Variants in CLVS1 observed in about 807,000 individuals in gnomAD.
The protein encoded by CLVS1 is clavesin 1.
Under a neutral mutation model 33.1 loss-of-function variants are expected in CLVS1, and 10 were observed. The ratio of observed to expected loss-of-function variants is 0.30; its 90% CI spans 0.19 to 0.51. The LOEUF is 0.51. Among genes scored for constraint, CLVS1 ranks in the 20% least tolerant of loss-of-function variants. The pLI is 0.97. For missense variants in CLVS1, 343 were observed against 433.4 expected (o/e 0.79, Z 1.85); for synonymous variants, 163 against 166.1 (o/e 0.98, Z 0.14).
At chr8:61,310,396 G>A (rs954270358) in intron 2 of CLVS1, among the ~76,000 whole-genome samples, 10 of 152,176 alleles carry the variant, frequency 6.6e-5, no homozygotes, top group African/African-American at 2.4e-4. Context: ...CTGGCAAGTG[G>A]CTAAACCTGG....
intron 2 of CLVS1, among the ~76,000 whole-genome samples, chr8:61,201,840 G>A (rs1807739328): frequency 6.6e-6 from 1 of 152,130 alleles, no homozygotes; most frequent in African/African-American, 2.4e-5. Flanking sequence ...TACTCAGCAA[G>A]GCCATTTTTA....
intron 2 of CLVS1, among the ~76,000 whole-genome samples, chr8:61,164,592 GT>G (rs1806818505): frequency 1.3e-5 from 2 of 152,208 alleles, no homozygotes; most frequent in African/African-American, 4.8e-5. Context: ...GGGAGGGCAA[GT>G]CCCCCCCGCC....
intron 2 of CLVS1, chr8:61,202,679 A>C: frequency 6.5e-7 from 1 of 1,541,438 alleles, no homozygotes; most frequent in Non-Finnish European, 8.9e-7. Flanking sequence ...GGGCCAGTGC[A>C]TATTAGTGGA....
intron 3 of CLVS1, among the ~76,000 whole-genome samples, chr8:61,448,679 C>T (rs1280013777): frequency 1.3e-5 from 2 of 150,966 alleles, no homozygotes; most frequent in South Asian, 4.2e-4. Context: ...AGTCTGAGAC[C>T]AGCCTGGGCA....
At chr8:60,998,605 C>T in the CLVS1 span, among the ~76,000 whole-genome samples, 1 of 152,264 alleles carries the variant, frequency 6.6e-6, no homozygotes, top group East Asian at 1.9e-4. Flanking sequence ...TTCCCCCACC[C>T]CCTGCCTCTG....
At chr8:61,023,603 A>G in the CLVS1 span, among the ~76,000 whole-genome samples, 1 of 152,224 alleles carries the variant, frequency 6.6e-6, no homozygotes, top group African/African-American at 2.4e-5. Flanking sequence ...AGTAGGATTT[A>G]TGTTTTTTAT....
At chr8:61,033,049 A>AAAG in the CLVS1 span, among the ~76,000 whole-genome samples, 5 of 89,942 alleles carry the variant, frequency 5.6e-5, 1 homozygote, top group Non-Finnish European at 1.0e-4. Context: ...AAGAAAGAAA[A>AAAG]AGAAAGAAAG....
chr8:61,359,451 G>T (rs1036080168), intron 2 of CLVS1, among the ~76,000 whole-genome samples: 5 of 152,110 alleles, frequency 3.3e-5, no homozygotes, highest in Admixed American at 6.5e-5. Context: ...TGCTTCACAG[G>T]TTCAAGTGAT....
intron 2 of CLVS1, among the ~76,000 whole-genome samples, chr8:61,167,509 C>T (rs1423151732): frequency 6.6e-6 from 1 of 152,014 alleles, no homozygotes; most frequent in Non-Finnish European, 1.5e-5. Context: ...TAATGTGTAC[C>T]CTTCAAGCCT....
intron 1 of CLVS1, among the ~76,000 whole-genome samples, chr8:61,082,350 A>G (rs1252073325): frequency 6.6e-6 from 1 of 152,194 alleles, no homozygotes; most frequent in East Asian, 1.9e-4. Flanking sequence ...GAAAGAAAAG[A>G]AAAAGAAAAA....
At chr8:61,117,848 CT>C (rs1250778719) in intron 1 of CLVS1, among the ~76,000 whole-genome samples, 5 of 149,058 alleles carry the variant, frequency 3.4e-5, no homozygotes, top group Non-Finnish European at 7.5e-5. Flanking sequence ...TTTGTTGTGT[CT>C]CTGCCTGGCT....
At chr8:60,997,014 A>G in the CLVS1 span, among the ~76,000 whole-genome samples, 160 of 147,610 alleles carry the variant, frequency 1.1e-3, no homozygotes, top group African/African-American at 3.8e-3. Flanking sequence ...CAAGAGTATA[A>G]ATAATGAAAT....
chr8:61,185,480 G>T (rs1021387265), intron 2 of CLVS1, among the ~76,000 whole-genome samples: 1 of 151,958 alleles, frequency 6.6e-6, no homozygotes, highest in Non-Finnish European at 1.5e-5. Context: ...TGGCTATACT[G>T]TATCACGTCT....
intron 2 of CLVS1, among the ~76,000 whole-genome samples, chr8:61,170,414 A>C (rs1806971787): frequency 6.6e-6 from 1 of 152,116 alleles, no homozygotes; most frequent in South Asian, 2.1e-4. Context: ...TCTGAGTTAA[A>C]GGGTATATAT....
At chr8:61,442,813 T>C (rs2129606247) in intron 3 of CLVS1, among the ~76,000 whole-genome samples, 1 of 152,318 alleles carries the variant, frequency 6.6e-6, no homozygotes, top group Middle Eastern at 3.4e-3. Flanking sequence ...TTGGCCAGAC[T>C]GGTCTCAAAC....
chr8:61,416,118 G>C (rs1163940403), intron 3 of CLVS1, among the ~76,000 whole-genome samples: 1 of 152,126 alleles, frequency 6.6e-6, no homozygotes, highest in Non-Finnish European at 1.5e-5. Flanking sequence ...TACATGACAA[G>C]GTTATGGGAC....
chr8:61,311,238 C>G (rs73253170), intron 2 of CLVS1, among the ~76,000 whole-genome samples: 2,347 of 152,292 alleles, frequency 0.015, 67 homozygotes, highest in African/African-American at 0.054. Context: ...TTGATTCCGG[C>G]TTCCTCGACC....
chr8:61,237,559 A>G (rs72657014), intron 2 of CLVS1, among the ~76,000 whole-genome samples: 8,845 of 152,284 alleles, frequency 0.058, 346 homozygotes, highest in East Asian at 0.16. Context: ...AACTTCCTCA[A>G]TTACTAACCT....
chr8:61,002,049 G>A, the CLVS1 span, among the ~76,000 whole-genome samples: 1 of 152,038 alleles, frequency 6.6e-6, no homozygotes, highest in Non-Finnish European at 1.5e-5. Flanking sequence ...TGCAATCTTG[G>A]TTCACTGCAG....
Sources: gnomAD v4.1 joint callset for allele counts (sites outside exome capture counted in the v4.1 genomes callset) on GRCh38, gnomAD v4.1.1 for gene constraint, MANE v1.5 for transcripts, NCBI Gene and HGNC (gene_info 2026-07-23, HGNC 2026-07-21) for gene names.